SEMA5A: variants seen among roughly 807,000 people sequenced by gnomAD.
SEMA5A encodes the protein semaphorin-5A.
A neutral mutation model predicts 135.5 loss-of-function variants in SEMA5A; 55 were observed. That is an observed-to-expected ratio of 0.41 (90% CI 0.33 to 0.51). The LOEUF is 0.51. Among genes scored for constraint, SEMA5A ranks in the 20% least tolerant of loss-of-function variants. The pLI is 0.37. For synonymous variants in SEMA5A, 580 were observed against 546.5 expected, an observed-to-expected ratio of 1.06 and a Z score of -0.85; for missense variants, 1,290 against 1,419.9, an observed-to-expected ratio of 0.91 and a Z score of 1.47.
chr5:9,471,685 T>C (rs138163599), intron 1 of SEMA5A, among the ~76,000 whole-genome samples: 16 of 152,336 alleles, frequency 1.1e-4, no homozygotes, highest in African/African-American at 3.8e-4. Flanking sequence ...TATAAGTCAA[T>C]GTTTGTTAAG....
intron 1 of SEMA5A, among the ~76,000 whole-genome samples, chr5:9,515,742 A>AG (rs1439065561): frequency 6.6e-6 from 1 of 152,210 alleles, no homozygotes; most frequent in Non-Finnish European, 1.5e-5. Flanking sequence ...GATAAGAAAA[A>AG]GATGAAGAAG....
At chr5:9,043,237 G>C in intron 22 of SEMA5A, 1 of 420,226 alleles carries the variant, frequency 2.4e-6, no homozygotes, top group South Asian at 4.1e-5. Context: ...TTCTGGTTAA[G>C]TTTTCAACTT....
chr5:9,124,994 C>T (rs1190823348), intron 13 of SEMA5A, among the ~76,000 whole-genome samples: 1 of 152,176 alleles, frequency 6.6e-6, no homozygotes, highest in African/African-American at 2.4e-5. Context: ...TCATTCTCTT[C>T]GGGTTACAAA....
chr5:9,116,737 T>A (rs527267136), intron 15 of SEMA5A, among the ~76,000 whole-genome samples: 1 of 152,360 alleles, frequency 6.6e-6, no homozygotes, highest in South Asian at 2.1e-4. Context: ...GTATGCCTAG[T>A]TCTTAGTCTT....
chr5:9,487,142 A>G (rs1318610423), intron 1 of SEMA5A, among the ~76,000 whole-genome samples: 1 of 152,176 alleles, frequency 6.6e-6, no homozygotes, highest in African/African-American at 2.4e-5. Context: ...AACCAATAAA[A>G]CTTTCATTTA....
intron 1 of SEMA5A, among the ~76,000 whole-genome samples, chr5:9,471,672 GT>G (rs747881635): frequency 6.6e-6 from 1 of 152,198 alleles, no homozygotes; most frequent in Non-Finnish European, 1.5e-5. Flanking sequence ...TCCTAAATAA[GT>G]TTATAAGTCA....
chr5:9,299,158 C>T (rs1025397584), intron 5 of SEMA5A, among the ~76,000 whole-genome samples: 1 of 152,094 alleles, frequency 6.6e-6, no homozygotes, highest in Non-Finnish European at 1.5e-5. Flanking sequence ...GCGCAAATCT[C>T]AACAGTCTTA....
intron 3 of SEMA5A, among the ~76,000 whole-genome samples, chr5:9,357,756 G>C (rs1018649234): frequency 1.4e-4 from 22 of 152,316 alleles, no homozygotes; most frequent in Admixed American, 1.4e-3. Context: ...ACAGAGAGGA[G>C]TGAGCACTCC....
intron 5 of SEMA5A, among the ~76,000 whole-genome samples, chr5:9,299,827 C>A (rs533395755): frequency 6.6e-6 from 1 of 152,168 alleles, no homozygotes; most frequent in East Asian, 1.9e-4. Context: ...CCATACTTCA[C>A]GTCTCCTTCC....
In SEMA5A at chr5:9,157,774, C is replaced by T. The variant is rs368446277; in HGVS notation, c.1274-3079G>A. On this transcript the variant is annotated intron_variant, in intron 11 of 22. Transcript: ENST00000382496. ...CATGCAGCTCCTTTGCCTGAGGTGA[C>T]AAATGACAATGTTATTTTCTTTCAG... Among the ~76,000 whole-genome samples the T allele has an allele frequency of 2.0e-5, 3 of 152,334 alleles. No individual in the cohort carries two copies. The East Asian group carries it at 5.8e-4, about 29-fold the overall frequency.
rs146385465 is a variant in SEMA5A, at chr5:9,445,247, C to T, written c.-174-7395G>A. ...CCTCAAGGAATTCAGCCTTTGGAATCGCTTTTCCCCAAATCAGAAACAATC... is the reference window on the plus strand; with the variant it reads ...CCTCAAGGAATTCAGCCTTTGGAATTGCTTTTCCCCAAATCAGAAACAATC... On this transcript the variant is annotated intron_variant, in intron 1 of 22. Coordinates refer to ENST00000382496, the MANE Select transcript of SEMA5A (RefSeq NM_003966.3). Among the ~76,000 whole-genome samples the T allele has an allele frequency of 3.3e-3, 507 of 152,156 alleles. 3 individuals are homozygous for T. The highest frequency in any genetic ancestry group is 0.011 in the African/African-American group (472 of 41,498).
At chr5:9,214,354 C>T (rs1746502404) in intron 8 of SEMA5A, among the ~76,000 whole-genome samples, 1 of 152,194 alleles carries the variant, frequency 6.6e-6, no homozygotes, top group African/African-American at 2.4e-5. Flanking sequence ...TGACAGCTGA[C>T]AGCACCTCCC....
intron 12 of SEMA5A, among the ~76,000 whole-genome samples, chr5:9,138,738 A>C (rs1814176): frequency 0.89 from 135,955 of 152,206 alleles, 61,326 homozygotes; most frequent in Non-Finnish European, 0.97. Flanking sequence ...AATTTGTGGT[A>C]TTTTATCCCT....
intron 5 of SEMA5A, among the ~76,000 whole-genome samples, chr5:9,247,854 A>G (rs1309983053): frequency 6.6e-6 from 1 of 152,156 alleles, no homozygotes; most frequent in Non-Finnish European, 1.5e-5. Context: ...GTAACAGGAT[A>G]ATATACTCTG....
At chr5:9,306,036 G>A (rs569288010) in intron 5 of SEMA5A, among the ~76,000 whole-genome samples, 1 of 152,300 alleles carries the variant, frequency 6.6e-6, no homozygotes, top group Non-Finnish European at 1.5e-5. Flanking sequence ...TTACTCCTCT[G>A]AAGGTTATGT....
At chr5:9,069,764 T>C (rs933842319) in intron 16 of SEMA5A, among the ~76,000 whole-genome samples, 1 of 152,210 alleles carries the variant, frequency 6.6e-6, no homozygotes, top group Admixed American at 6.5e-5. Flanking sequence ...GACTTCATTT[T>C]CTTGTGTTTA....
intron 8 of SEMA5A, among the ~76,000 whole-genome samples, chr5:9,210,008 G>A (rs1746256101): frequency 6.6e-6 from 1 of 152,170 alleles, no homozygotes; most frequent in Non-Finnish European, 1.5e-5. Flanking sequence ...TTTCCCAATT[G>A]TTTTAGCAGT....
At chr5:9,382,777 A>T (rs1459594783) in intron 2 of SEMA5A, among the ~76,000 whole-genome samples, 1 of 152,232 alleles carries the variant, frequency 6.6e-6, no homozygotes, top group East Asian at 1.9e-4. Context: ...TATTGCATCG[A>T]TAAGCAGCAA....
intron 5 of SEMA5A, among the ~76,000 whole-genome samples, chr5:9,275,939 T>C (rs971970826): frequency 3.9e-5 from 6 of 152,118 alleles, no homozygotes; most frequent in African/African-American, 1.4e-4. Context: ...CAACTCAACA[T>C]AATATTGGAA....
Sources: allele counts gnomAD v4.1 joint callset (sites outside exome capture counted in the v4.1 genomes callset), GRCh38; gene constraint gnomAD v4.1.1; transcripts MANE v1.5; gene names NCBI Gene and HGNC (gene_info 2026-07-23, HGNC 2026-07-21).